CADM2: variants seen among roughly 807,000 people sequenced by gnomAD.
The protein encoded by CADM2 is immunoglobulin superfamily member 4D.
A neutral mutation model predicts 49.8 loss-of-function variants in CADM2; 12 were observed. The ratio of observed to expected loss-of-function variants is 0.24; its 90% confidence interval spans 0.15 to 0.39. CADM2 has a LOEUF of 0.39. CADM2 is among the 10% of genes least tolerant of loss of function. The probability of loss-of-function intolerance (pLI) is 1.00; values close to 1 mark genes in which losing one functional copy is unlikely to be tolerated. For missense variants in CADM2, 378 were observed against 492.3 expected (o/e 0.77, Z 2.20); for synonymous variants, 214 against 175.4 (o/e 1.22, Z -1.74).
intron 1 of CADM2, among the ~76,000 whole-genome samples, chr3:85,014,484 A>C (rs537091788): frequency 2.0e-5 from 3 of 152,306 alleles, no homozygotes; most frequent in Non-Finnish European, 4.4e-5. Context: ...GAAAATACAT[A>C]GTATACATAG....
At chr3:85,141,061 G>A (rs1015518552) in intron 1 of CADM2, among the ~76,000 whole-genome samples, 2 of 152,112 alleles carry the variant, frequency 1.3e-5, no homozygotes, top group Non-Finnish European at 2.9e-5. Context: ...GTAGCATTCA[G>A]TATGTCATTT....
At chr3:86,038,364 A>G (rs188705509) in intron 8 of CADM2, among the ~76,000 whole-genome samples, 1 of 152,292 alleles carries the variant, frequency 6.6e-6, no homozygotes, top group Admixed American at 6.5e-5. Flanking sequence ...AAGGAGATAT[A>G]TAGAGTATTT....
chr3:85,890,575 C>T (rs1714285495), intron 5 of CADM2, among the ~76,000 whole-genome samples: 1 of 152,024 alleles, frequency 6.6e-6, no homozygotes, highest in Admixed American at 6.6e-5. Context: ...GAAGGAATTT[C>T]CTTGTCAGTA....
intron 1 of CADM2, among the ~76,000 whole-genome samples, chr3:85,280,418 G>T (rs1019543071): frequency 2.6e-5 from 4 of 151,110 alleles, no homozygotes; most frequent in African/African-American, 9.7e-5. Context: ...AAAGTCTTCT[G>T]ATATTCTTAT....
At chr3:85,637,317 T>G (rs3924693) in intron 1 of CADM2, among the ~76,000 whole-genome samples, 2 of 151,814 alleles carry the variant, frequency 1.3e-5, no homozygotes, top group Non-Finnish European at 2.9e-5. Context: ...TAAAAGGTAT[T>G]ATTGGCCGGG....
At chr3:85,715,527 T>G (rs1021974274) in intron 1 of CADM2, among the ~76,000 whole-genome samples, 1 of 152,198 alleles carries the variant, frequency 6.6e-6, no homozygotes, top group Non-Finnish European at 1.5e-5. Flanking sequence ...TAATTATACT[T>G]TAAGTTCTGG....
intron 1 of CADM2, among the ~76,000 whole-genome samples, chr3:85,287,814 G>A (rs991383373): frequency 1.3e-5 from 2 of 152,018 alleles, no homozygotes; most frequent in African/African-American, 4.8e-5. Flanking sequence ...TCAATCAGTT[G>A]TAGCTTTTAA....
At chr3:85,585,222 C>T (rs549528040) in intron 1 of CADM2, among the ~76,000 whole-genome samples, 2 of 152,012 alleles carry the variant, frequency 1.3e-5, no homozygotes, top group Non-Finnish European at 1.5e-5. Context: ...ATCAGATCAA[C>T]TGTGGCAGTA....
intron 1 of CADM2, among the ~76,000 whole-genome samples, chr3:85,172,364 G>C (rs2040651155): frequency 6.6e-6 from 1 of 151,962 alleles, no homozygotes; most frequent in Admixed American, 6.5e-5. Context: ...AGCAATTCGG[G>C]GACACAAAAA....
intron 1 of CADM2, among the ~76,000 whole-genome samples, chr3:85,550,011 G>A (rs1373945309): frequency 6.6e-6 from 1 of 152,010 alleles, no homozygotes; most frequent in South Asian, 2.1e-4. Context: ...GTCAGATATT[G>A]TACTATGTGA....
chr3:85,007,337 CAA>C lies in CADM2; in HGVS notation c.61+47671_61+47672del, dbSNP rs566117530. Among the ~76,000 whole-genome samples, 108 of 152,148 alleles carry C rather than the reference CAA, an allele frequency of 7.1e-4. 1 individual carries two copies. The highest frequency in any genetic ancestry group is 6.5e-3 in the Admixed American group (100 of 15,282). On this transcript the variant is annotated intron_variant, in intron 1 of 9. Transcript: ENST00000383699. ...TAGTGAATATTTCAAAATTGTGAAA[CAA>C]AGAGTCTCTGTGGCAACTACTCATT...
intron 1 of CADM2, among the ~76,000 whole-genome samples, chr3:85,239,668 T>C: frequency 6.6e-6 from 1 of 151,436 alleles, no homozygotes; most frequent in Non-Finnish European, 1.5e-5. Context: ...TTAAAATAGG[T>C]TTTTTATAAT....
chr3:85,916,920 C>CA (rs1718417172), intron 6 of CADM2, among the ~76,000 whole-genome samples: 1 of 152,184 alleles, frequency 6.6e-6, no homozygotes, highest in South Asian at 2.1e-4. Context: ...CTCTGATGGC[C>CA]AGTGATGATG....
chr3:85,212,780 T>A (rs781481878), intron 1 of CADM2, among the ~76,000 whole-genome samples: 2 of 149,630 alleles, frequency 1.3e-5, no homozygotes, highest in Non-Finnish European at 1.5e-5. Flanking sequence ...ACCAGTGAAT[T>A]TTTTGCCTTC....
At chr3:85,394,449 G>T (rs1463843432) in intron 1 of CADM2, among the ~76,000 whole-genome samples, 2 of 151,800 alleles carry the variant, frequency 1.3e-5, no homozygotes, top group African/African-American at 2.4e-5. Flanking sequence ...ATTGGAGCAG[G>T]GTTAAAAATA....
chr3:85,521,828 G>T (rs2061032479), intron 1 of CADM2, among the ~76,000 whole-genome samples: 1 of 152,036 alleles, frequency 6.6e-6, no homozygotes, highest in Non-Finnish European at 1.5e-5. Context: ...GACATAGAAA[G>T]CACTTTTTGT....
chr3:86,055,528 G>A (rs1175792629), intron 8 of CADM2, among the ~76,000 whole-genome samples: 8 of 142,160 alleles, frequency 5.6e-5, no homozygotes, highest in East Asian at 2.2e-4. Context: ...GTGCAGTAGC[G>A]CGATCTCAGC....
intron 3 of CADM2, among the ~76,000 whole-genome samples, chr3:85,829,596 C>T (rs1173070705): frequency 1.3e-5 from 2 of 151,918 alleles, no homozygotes; most frequent in Non-Finnish European, 2.9e-5. Flanking sequence ...CATTTCCACC[C>T]ATGCTGTACC....
chr3:85,745,540 C>T (rs147722467), intron 2 of CADM2, among the ~76,000 whole-genome samples: 11 of 152,026 alleles, frequency 7.2e-5, no homozygotes, highest in East Asian at 2.0e-4. Flanking sequence ...ACAGTCAACA[C>T]GATTCAGAAG....
Sources: gnomAD v4.1 joint callset for allele counts (sites outside exome capture counted in the v4.1 genomes callset) on GRCh38, gnomAD v4.1.1 for gene constraint, MANE v1.5 for transcripts, NCBI Gene and HGNC (gene_info 2026-07-23, HGNC 2026-07-21) for gene names.